Variants in RANBP2 observed in about 807,000 individuals in gnomAD.
The protein encoded by RANBP2 is E3 SUMO-protein ligase RanBP2.
A neutral mutation model predicts 303.6 loss-of-function variants in RANBP2; 57 were observed. The ratio of observed to expected loss-of-function variants is 0.19; its 90% CI spans 0.15 to 0.23. The LOEUF (loss-of-function observed/expected upper bound fraction) is 0.23. Ranked by LOEUF, RANBP2 falls within the 10% of genes least tolerant of loss-of-function variation. The pLI is 1.00. For missense variants in RANBP2, 3,138 were observed against 3,780.8 expected, an observed-to-expected ratio of 0.83 and a Z score of 4.46; for synonymous variants, 1,167 against 1,301.5, an observed-to-expected ratio of 0.90 and a Z score of 2.23.
At chr2:109,603,024 C>T in the RANBP2 span, among the ~76,000 whole-genome samples, 2 of 150,824 alleles carry the variant, frequency 1.3e-5, no homozygotes, top group African/African-American at 4.9e-5. Flanking sequence ...TAAGCTGTGA[C>T]TGCACCACTG....
At chr2:108,879,582 T>G in the RANBP2 span, among the ~76,000 whole-genome samples, 2 of 152,194 alleles carry the variant, frequency 1.3e-5, no homozygotes, top group Non-Finnish European at 2.9e-5. Context: ...AAATACAAGA[T>G]TAACTTTCTA....
intron 4 of RANBP2, among the ~76,000 whole-genome samples, chr2:108,732,172 TTATA>T (rs1260690165): frequency 8.5e-5 from 13 of 152,284 alleles, no homozygotes; most frequent in Non-Finnish European, 1.3e-4. Flanking sequence ...TCTATCCCCA[TTATA>T]TATGTTTCTG....
the RANBP2 span, among the ~76,000 whole-genome samples, chr2:109,476,638 T>C: frequency 6.6e-6 from 1 of 152,144 alleles, no homozygotes; most frequent in Non-Finnish European, 1.5e-5. Flanking sequence ...GGGGTCCCAA[T>C]CCAGATCCCA....
the RANBP2 span, among the ~76,000 whole-genome samples, chr2:109,131,064 T>G: frequency 6.6e-6 from 1 of 152,220 alleles, no homozygotes; most frequent in African/African-American, 2.4e-5. Context: ...AACACAACTT[T>G]ATTCCTCTAC....
the RANBP2 span, among the ~76,000 whole-genome samples, chr2:109,195,111 T>G: frequency 6.6e-6 from 1 of 152,194 alleles, no homozygotes; most frequent in African/African-American, 2.4e-5. Context: ...TACACCTATA[T>G]TTGTAGCTGG....
At chr2:109,522,251 G>A in the RANBP2 span, among the ~76,000 whole-genome samples, 4 of 151,094 alleles carry the variant, frequency 2.6e-5, no homozygotes, top group Admixed American at 6.6e-5. Flanking sequence ...CCAGTGTCCG[G>A]CCCCACCCCA....
At chr2:109,724,882 CG>C in the RANBP2 span, among the ~76,000 whole-genome samples, 1 of 152,102 alleles carries the variant, frequency 6.6e-6, no homozygotes, top group African/African-American at 2.4e-5. Context: ...CAGGGGCAGT[CG>C]GGTCTGGGCA....
the RANBP2 span, among the ~76,000 whole-genome samples, chr2:109,575,839 C>T: frequency 3.3e-5 from 5 of 152,218 alleles, no homozygotes; most frequent in Admixed American, 6.5e-5. Flanking sequence ...TAAAGTTGCC[C>T]GACCTTTTAG....
the RANBP2 span, among the ~76,000 whole-genome samples, chr2:109,094,125 T>C: frequency 4.6e-5 from 7 of 152,110 alleles, no homozygotes; most frequent in Non-Finnish European, 1.0e-4. Context: ...TCTTTGATAT[T>C]TCAGTTAGAG....
chr2:109,497,755 A>G, the RANBP2 span, among the ~76,000 whole-genome samples: 1 of 152,246 alleles, frequency 6.6e-6, no homozygotes, highest in Non-Finnish European at 1.5e-5. Context: ...ATCTGGGCTC[A>G]TTAAATCATT....
the RANBP2 span, among the ~76,000 whole-genome samples, chr2:109,500,350 A>C: frequency 1.3e-5 from 2 of 152,100 alleles, no homozygotes; most frequent in Non-Finnish European, 2.9e-5. Flanking sequence ...CAGCCCAGAG[A>C]GCCCCTGGGG....
chr2:109,685,918 A>AC, the RANBP2 span, among the ~76,000 whole-genome samples: 4 of 151,848 alleles, frequency 2.6e-5, no homozygotes, highest in East Asian at 1.9e-4. Context: ...TTTTGGGTAA[A>AC]ACCCCCCCAA....
At chr2:109,440,797 C>T in the RANBP2 span, among the ~76,000 whole-genome samples, 525 of 152,222 alleles carry the variant, frequency 3.4e-3, 19 homozygotes, top group East Asian at 0.061. Flanking sequence ...CTGCAGAGCA[C>T]GCCCTGAGAT....
At chr2:109,211,456 G>T in the RANBP2 span, among the ~76,000 whole-genome samples, 5,182 of 152,248 alleles carry the variant, frequency 0.034, 267 homozygotes, top group African/African-American at 0.11. Context: ...AGTAGGGGCC[G>T]TGTCTGAGAA....
chr2:109,545,287 G>C, the RANBP2 span: 1 of 1,425,048 alleles, frequency 7.0e-7, no homozygotes, highest in African/African-American at 1.4e-5. Context: ...ACTTAAGTGG[G>C]AGAAATAAAA....
chr2:109,027,540 T>C, the RANBP2 span, among the ~76,000 whole-genome samples: 341 of 152,194 alleles, frequency 2.2e-3, 1 homozygote, highest in African/African-American at 8.0e-3. Context: ...ATCCACCCTC[T>C]GTTTATGATA....
the RANBP2 span, chr2:109,544,830 G>T: frequency 1.3e-6 from 1 of 749,508 alleles, no homozygotes; most frequent in Non-Finnish European, 1.6e-6. Context: ...ACTGCTCTAG[G>T]CTCTGGGGAT....
the RANBP2 span, among the ~76,000 whole-genome samples, chr2:108,974,329 CAAAAAAAAAAAAAAAA>C: frequency 1.6e-5 from 1 of 61,496 alleles, no homozygotes; most frequent in African/African-American, 6.7e-5. Context: ...GGATCCGTCT[CAAAAAAAAAAAAAAAA>C]AAAAAAAAAG....
the RANBP2 span, among the ~76,000 whole-genome samples, chr2:108,891,652 G>A: frequency 5.3e-5 from 8 of 152,300 alleles, no homozygotes; most frequent in East Asian, 1.2e-3. Flanking sequence ...GGGCCTCCAG[G>A]TGGCTTGTTC....
Sources: allele counts gnomAD v4.1 joint callset (sites outside exome capture counted in the v4.1 genomes callset), GRCh38; gene constraint gnomAD v4.1.1; transcripts MANE v1.5; gene names NCBI Gene and HGNC (gene_info 2026-07-23, HGNC 2026-07-21).